The following COG5 variants were observed in gnomAD, a reference collection of about 807,000 sequenced individuals.
The protein encoded by COG5 is conserved oligomeric Golgi complex subunit 5.
In COG5, 86 loss-of-function variants were observed where a neutral mutation model predicts 110.4. The ratio of observed to expected loss-of-function variants is 0.78; its 90% CI spans 0.65 to 0.93. The LOEUF is 0.93. Ranked by LOEUF, COG5 falls within the 40% of genes least tolerant of loss-of-function variation. The pLI is 0.00. For synonymous variants in COG5, 360 were observed against 334.6 expected (o/e 1.08, Z -0.83); for missense variants, 1,077 against 987.0 (o/e 1.09, Z -1.22).
intron 6 of COG5, among the ~76,000 whole-genome samples, chr7:107,452,764 C>A (rs780255315): frequency 1.2e-4 from 19 of 152,146 alleles, no homozygotes; most frequent in Non-Finnish European, 2.4e-4. Flanking sequence ...CGGACTAATA[C>A]ACTGTCCTTC....
chr7:107,453,289 A>G (rs1795456929), intron 6 of COG5, among the ~76,000 whole-genome samples: 1 of 152,166 alleles, frequency 6.6e-6, no homozygotes, highest in Non-Finnish European at 1.5e-5. Context: ...AAACAATAGG[A>G]ATTTCAAGAT....
At chr7:107,234,130 C>T (rs184118674) in intron 18 of COG5, among the ~76,000 whole-genome samples, 1 of 152,182 alleles carries the variant, frequency 6.6e-6, no homozygotes, top group African/African-American at 2.4e-5. Flanking sequence ...GAAACTGGGA[C>T]ACACTGTACA....
At chr7:107,517,641 C>T (rs1456113550) in intron 6 of COG5, among the ~76,000 whole-genome samples, 4 of 151,482 alleles carry the variant, frequency 2.6e-5, no homozygotes, top group Non-Finnish European at 4.4e-5. Flanking sequence ...AGACTAACAG[C>T]GGATCTCTCA....
intron 6 of COG5, among the ~76,000 whole-genome samples, chr7:107,454,124 T>C (rs932975435): frequency 6.6e-6 from 1 of 151,904 alleles, no homozygotes; most frequent in Non-Finnish European, 1.5e-5. Context: ...TTGCCTAGTG[T>C]ATATAATTGA....
intron 10 of COG5, among the ~76,000 whole-genome samples, chr7:107,356,114 T>G (rs543211436): frequency 1.3e-5 from 2 of 150,314 alleles, no homozygotes; most frequent in East Asian, 1.9e-4. Context: ...AAAAGGACAA[T>G]AATTATAAAA....
At chr7:107,490,792 T>C (rs1797929755) in intron 6 of COG5, among the ~76,000 whole-genome samples, 1 of 152,172 alleles carries the variant, frequency 6.6e-6, no homozygotes, top group Non-Finnish European at 1.5e-5. Context: ...TCAAAGCCTA[T>C]TCTTTCTTGT....
intron 6 of COG5, among the ~76,000 whole-genome samples, chr7:107,454,805 G>A (rs1795560784): frequency 6.6e-6 from 1 of 152,004 alleles, no homozygotes; most frequent in Non-Finnish European, 1.5e-5. Context: ...GCAACACAAT[G>A]TGCCTAGATC....
At chr7:107,205,945 A>C (rs1221856223) in intron 21 of COG5, among the ~76,000 whole-genome samples, 1 of 150,974 alleles carries the variant, frequency 6.6e-6, no homozygotes, top group Non-Finnish European at 1.5e-5. Flanking sequence ...TTACTGAAGA[A>C]GTGTAGCTGT....
intron 14 of COG5, among the ~76,000 whole-genome samples, chr7:107,276,253 T>C (rs1393444332): frequency 1.3e-5 from 2 of 152,170 alleles, no homozygotes; most frequent in Non-Finnish European, 2.9e-5. Flanking sequence ...TATATTTGCC[T>C]CCAAAGTTGA....
chr7:107,484,239 A>G (rs930765870), intron 6 of COG5, among the ~76,000 whole-genome samples: 1 of 152,122 alleles, frequency 6.6e-6, no homozygotes, highest in Non-Finnish European at 1.5e-5. Flanking sequence ...AATTTTAGAC[A>G]CAACTGAACT....
rs549481917 is a variant in COG5 at position 107,351,904 on chromosome 7, G to A, written c.1026+10129C>T. On this transcript the variant is annotated intron_variant, in intron 10 of 21. Transcript: ENST00000297135. Reference sequence around the variant, plus strand: ...CAACCATTGTGGAAGTCAGTGTGGCGATTCCTCAGGGATCTAGAAGTAGAA... The same window carrying A: ...CAACCATTGTGGAAGTCAGTGTGGCAATTCCTCAGGGATCTAGAAGTAGAA... 6.9e-4 allele frequency among the ~76,000 whole-genome samples: 103 copies of A among 149,088 alleles called. 2 individuals carry two copies. Among genetic ancestry groups the A allele is most frequent in the African/African-American group, 1.7e-3 (68 of 40,988 alleles).
At chr7:107,486,075 T>C (rs565154046) in intron 6 of COG5, among the ~76,000 whole-genome samples, 8 of 152,216 alleles carry the variant, frequency 5.3e-5, no homozygotes, top group Non-Finnish European at 1.2e-4. Context: ...TCTATGAATG[T>C]AGAAACAGAC....
intron 11 of COG5, among the ~76,000 whole-genome samples, chr7:107,310,698 C>G (rs903172474): frequency 6.6e-6 from 1 of 152,168 alleles, no homozygotes; most frequent in African/African-American, 2.4e-5. Context: ...TTCATTCAAA[C>G]TATGCAGAAA....
chr7:107,413,154 C>G (rs1792434044), intron 6 of COG5, among the ~76,000 whole-genome samples: 2 of 151,830 alleles, frequency 1.3e-5, no homozygotes, highest in Admixed American at 6.6e-5. Flanking sequence ...GTAGCTGGTA[C>G]TACCAGTACC....
intron 19 of COG5, among the ~76,000 whole-genome samples, chr7:107,228,862 T>G (rs1426915005): frequency 1.3e-5 from 2 of 151,944 alleles, no homozygotes; most frequent in Non-Finnish European, 2.9e-5. Context: ...TGGATTCTTA[T>G]ATTTCTTATA....
At chr7:107,421,373 A>C (rs1793277799) in intron 6 of COG5, among the ~76,000 whole-genome samples, 1 of 152,208 alleles carries the variant, frequency 6.6e-6, no homozygotes, top group African/African-American at 2.4e-5. Flanking sequence ...ACATCTACAG[A>C]GCACTCCACC....
chr7:107,495,925 T>G lies in COG5; in HGVS notation c.538+31312A>C, dbSNP rs146416057. Among the ~76,000 whole-genome samples, 6 of 149,974 alleles carry G rather than the reference T, an allele frequency of 4.0e-5. No homozygotes were observed. The East Asian group carries it at 9.9e-4, about 25-fold the overall frequency. On this transcript the variant is annotated intron_variant, in intron 6 of 21. Transcript: ENST00000297135. ...CCAAATACTTTATTTCATTTATTTT[T>G]TATTTATTTTTACTCATTTTTTAAT...
intron 10 of COG5, among the ~76,000 whole-genome samples, chr7:107,343,653 C>G (rs959525183): frequency 2.0e-5 from 3 of 152,022 alleles, no homozygotes; most frequent in African/African-American, 4.8e-5. Context: ...TGCACTCCCA[C>G]GTAGAAGACA....
At chr7:107,443,444 C>T (rs946971427) in intron 6 of COG5, among the ~76,000 whole-genome samples, 3 of 151,996 alleles carry the variant, frequency 2.0e-5, no homozygotes. Context: ...TTTATGGCTA[C>T]AATTGCACAA....
Sources: gnomAD v4.1 joint callset for allele counts (sites outside exome capture counted in the v4.1 genomes callset) on GRCh38, gnomAD v4.1.1 for gene constraint, MANE v1.5 for transcripts, NCBI Gene and HGNC (gene_info 2026-07-23, HGNC 2026-07-21) for gene names.